SEC24A: variants seen among roughly 807,000 people sequenced by gnomAD.
SEC24A encodes the protein protein transport protein Sec24A.
SEC24A carries 93 observed loss-of-function variants against 129.4 expected under a neutral mutation model. The observed-to-expected ratio is 0.72, with a 90% CI of 0.61 to 0.85. The LOEUF is 0.85. Ranked by LOEUF, SEC24A falls within the 40% of genes least tolerant of loss-of-function variation. The pLI, the probability that SEC24A is intolerant of heterozygous loss-of-function variation, is 0.00. For missense variants in SEC24A, 1,264 were observed against 1,307.4 expected (o/e 0.97, Z 0.51); for synonymous variants, 460 against 467.3 (o/e 0.98, Z 0.20).
intron 9 of SEC24A, among the ~76,000 whole-genome samples, chr5:134,684,169 G>A (rs559995185): frequency 6.6e-6 from 1 of 151,774 alleles, no homozygotes; most frequent in Non-Finnish European, 1.5e-5. Flanking sequence ...CGGGCCTGGT[G>A]GTGAGTGCCT....
intron 7 of SEC24A, among the ~76,000 whole-genome samples, chr5:134,676,483 G>GC (rs1421373874): frequency 7.7e-6 from 1 of 130,566 alleles, no homozygotes; most frequent in Admixed American, 9.9e-5. Flanking sequence ...TCTCACTGTC[G>GC]CCCAGGCTGG....
chr5:134,697,280 A>T (rs531943677), intron 14 of SEC24A, 34 bp downstream of exon 14: 1 of 1,544,302 alleles, frequency 6.5e-7, no homozygotes, highest in South Asian at 1.2e-5. Flanking sequence ...TTTTTCCGTT[A>T]AATGAATATC....
At chr5:134,723,422 C>T (rs780567857) in intron 21 of SEC24A, 145 bp from the exon 22 acceptor site, 17 of 553,068 alleles carry the variant, frequency 3.1e-5, no homozygotes, top group Non-Finnish European at 5.1e-5. Context: ...CATGATTATG[C>T]CACTGCACTC....
chr5:134,693,415 A>G, intron 12 of SEC24A: 1 of 1,353,228 alleles, frequency 7.4e-7, no homozygotes, highest in Non-Finnish European at 9.5e-7. Flanking sequence ...AGAAGGCCAT[A>G]TTTCATGGCA....
At chr5:134,682,067 C>T (rs1047856277) in intron 8 of SEC24A, among the ~76,000 whole-genome samples, 2 of 151,992 alleles carry the variant, frequency 1.3e-5, no homozygotes, top group Non-Finnish European at 2.9e-5. Flanking sequence ...CATGGAGAAA[C>T]CCCGTCTGTA....
rs976250529 is a variant in SEC24A at position 134,657,184 on chromosome 5, A to G, written c.98-3935A>G. Among the ~76,000 whole-genome samples, 15 of 144,446 alleles carry G rather than the reference A, an allele frequency of 1.0e-4. No individual in the cohort carries two copies. In the South Asian group the frequency reaches 1.8e-3, roughly 17 times the overall value. The allele number at this position is 144,446 out of a possible 152,430, so 94.8% of individuals were successfully genotyped here. A position where few individuals can be genotyped will look rare whatever the true frequency, so the allele number is the denominator to read the frequency against. On this transcript the variant is annotated intron_variant, in intron 1 of 22. Transcript: ENST00000398844. ...GCGAGACCTCATTTCTGAAAAACGC[A>G]CACACACACACACACACACACACAC...
At chr5:134,656,642 G>T (rs908760716) in intron 1 of SEC24A, among the ~76,000 whole-genome samples, 1 of 151,844 alleles carries the variant, frequency 6.6e-6, no homozygotes, top group Non-Finnish European at 1.5e-5. Flanking sequence ...CACCATGCCC[G>T]GCTAATTTTT....
At chr5:134,680,509 T>C (rs1187242796) in intron 8 of SEC24A, among the ~76,000 whole-genome samples, 5 of 151,596 alleles carry the variant, frequency 3.3e-5, no homozygotes, top group African/African-American at 9.7e-5. Context: ...ATTTTTATAT[T>C]TTTAGTAGGG....
In SEC24A at chr5:134,686,901, TTGTAA is replaced by T; in HGVS notation, c.1604_1604+4del. 6.4e-7 allele frequency: 1 copy of T among 1,555,804 alleles called. No individual in the cohort carries two copies. The highest frequency in any genetic ancestry group is 8.8e-7 in the Non-Finnish European group (1 of 1,134,740). Reference sequence around the variant, plus strand: ...CCAGAGTTTGTTAGACAATCTGGATTTGTAAGTTTCTCAATTCAGCTTAAATATGA... The same window carrying T: ...CCAGAGTTTGTTAGACAATCTGGATTGTTTCTCAATTCAGCTTAAATATGA... On this transcript the variant is annotated splice_donor_variant and splice_donor_region_variant and coding_sequence_variant and intron_variant, in exon 10 of 23. Transcript: ENST00000398844. LOFTEE classifies it high-confidence loss of function.
intron 2 of SEC24A, among the ~76,000 whole-genome samples, chr5:134,666,570 C>A (rs1005885734): frequency 3.5e-5 from 5 of 144,282 alleles, no homozygotes; most frequent in Non-Finnish European, 1.5e-5. Flanking sequence ...GGAAGGCAGG[C>A]AGGAGAAAAG....
chr5:134,700,614 A>C (rs1200393537), intron 15 of SEC24A, among the ~76,000 whole-genome samples: 1 of 151,804 alleles, frequency 6.6e-6, no homozygotes, highest in Admixed American at 6.6e-5. Flanking sequence ...TACACATTGA[A>C]ATCTGTTGGT....
intron 11 of SEC24A, among the ~76,000 whole-genome samples, chr5:134,689,546 A>G (rs1580714511): frequency 6.6e-6 from 1 of 152,150 alleles, no homozygotes; most frequent in East Asian, 1.9e-4. Context: ...GTGGATCACG[A>G]GGTCAAGAGA....
At chr5:134,704,218 C>T (rs1273989836) in intron 16 of SEC24A, among the ~76,000 whole-genome samples, 1 of 151,978 alleles carries the variant, frequency 6.6e-6, no homozygotes, top group Non-Finnish European at 1.5e-5. Context: ...TACAGGTGTG[C>T]GCCACCACAT....
rs372641225 is a variant in SEC24A at position 134,686,793 on chromosome 5, C to G, written c.1495C>G (p.Arg499Gly). 3 of 1,582,902 alleles carry G rather than the reference C, an allele frequency of 1.9e-6. No individual in the cohort carries two copies. The South Asian group carries it at 3.5e-5, about 18-fold the overall frequency. Reference protein sequence around the residue: ...EFMAPSEYMLRPPQPPVYLFV... With the variant: ...EFMAPSEYMLGPPQPPVYLFV... Reference sequence around the variant, plus strand: ...AACAAGATCTTTTTTTCTTCAGTTACGACCACCTCAGCCTCCAGTGTATCT... The same window carrying G: ...AACAAGATCTTTTTTTCTTCAGTTAGGACCACCTCAGCCTCCAGTGTATCT... Residue 499 changes from arginine (R) to glycine (G), a missense_variant, in exon 10 of 23, where the codon CGA becomes GGA. Transcript: ENST00000398844.
intron 1 of SEC24A, among the ~76,000 whole-genome samples, chr5:134,656,626 G>T (rs536810890): frequency 6.6e-6 from 1 of 151,822 alleles, no homozygotes; most frequent in Non-Finnish European, 1.5e-5. Context: ...GACTATAGGC[G>T]TGTGCCACCA....
rs757533589 is a variant in SEC24A at position 134,679,721 on chromosome 5, CAAT to C, written c.1375_1377del (p.Asn459del). On this transcript the variant is annotated inframe_deletion, in exon 8 of 23. Coordinates refer to ENST00000398844, the MANE Select transcript of SEC24A (RefSeq NM_021982.3). Reference sequence around the variant, plus strand: ...GGAAGTGTAACTTATGTTATCGAGTCAATGATGGTATGGGATGCTTTTTTGAAA... The same window carrying C: ...GGAAGTGTAACTTATGTTATCGAGTCGATGGTATGGGATGCTTTTTTGAAA... The C allele has an allele frequency of 1.3e-6, 2 of 1,579,572 alleles. No homozygotes were observed. Among genetic ancestry groups the C allele is most frequent in the Non-Finnish European group, 1.7e-6 (2 of 1,158,538 alleles).
rs776504092 is a variant in SEC24A at position 134,679,610 on chromosome 5, T to G, written c.1263T>G (p.Pro421=). 9 of 1,553,900 alleles carry G rather than the reference T, an allele frequency of 5.8e-6. No individual in the cohort carries two copies. The highest frequency in any genetic ancestry group is 7.9e-6 in the Non-Finnish European group (9 of 1,145,456). The change falls in exon 8 of 23, where the codon CCT becomes CCG. Residue 421 remains proline (P), a synonymous_variant. Coordinates refer to ENST00000398844, the MANE Select transcript of SEC24A (RefSeq NM_021982.3). The part of the protein sequence containing the change: ...LHPFKDLVQL[P]VVTSSTIVRC... ...TGTTTTTTTTTTTCCAGCAATTGCC[T>G]GTGGTTACCTCCAGTACAATTGTGA... is the stretch of plus-strand genomic sequence containing the variant.
intron 22 of SEC24A, among the ~76,000 whole-genome samples, chr5:134,724,134 C>T (rs767630439): frequency 6.6e-6 from 1 of 152,322 alleles, no homozygotes; most frequent in Non-Finnish European, 1.5e-5. Context: ...ATAGCCACTT[C>T]CTGCCTCCTA....
Position 134,686,770 on chromosome 5 carries a change from C to G in SEC24A, c.1492-20C>G. ...ACTTAATCCTGTTAAATGTACTTAA[C>G]AAGATCTTTTTTTCTTCAGTTACGA... On this transcript the variant is annotated intron_variant, in intron 9 of 22. Transcript: ENST00000398844. The G allele has an allele frequency of 6.9e-7, 1 of 1,443,944 alleles. No individual in the cohort carries two copies. Among genetic ancestry groups the G allele is most frequent in the Non-Finnish European group, 9.6e-7 (1 of 1,041,664 alleles). 89.4% of individuals were successfully genotyped at this position (1,443,944 alleles called of 1,614,324 possible).
Sources: gnomAD v4.1 joint callset for allele counts (sites outside exome capture counted in the v4.1 genomes callset) on GRCh38, gnomAD v4.1.1 for gene constraint, MANE v1.5 for transcripts, NCBI Gene and HGNC (gene_info 2026-07-23, HGNC 2026-07-21) for gene names.